FAM168A: variants seen among roughly 807,000 people sequenced by gnomAD.
FAM168A encodes family with sequence similarity 168 member A, also known as protein FAM168A.
Under a neutral mutation model 28.5 loss-of-function variants are expected in FAM168A, and 3 were observed. The observed-to-expected ratio is 0.11, with a 90% CI of 0.05 to 0.27. The LOEUF is 0.27. Ranked by LOEUF, FAM168A falls within the 10% of genes least tolerant of loss-of-function variation. The pLI is 1.00. For missense variants in FAM168A, 222 were observed against 311.5 expected (o/e 0.71, Z 2.16); for synonymous variants, 122 against 124.2 (o/e 0.98, Z 0.12).
intron 2 of FAM168A, among the ~76,000 whole-genome samples, chr11:73,456,697 A>T (rs148912033): frequency 1.2e-3 from 187 of 152,364 alleles, no homozygotes; most frequent in Non-Finnish European, 2.2e-3. Context: ...CCTCCACATA[A>T]ACAACTACTG....
intron 4 of FAM168A, among the ~76,000 whole-genome samples, chr11:73,414,353 T>C (rs1866664751): frequency 6.6e-6 from 1 of 152,240 alleles, no homozygotes. Context: ...TTTGGCCCTT[T>C]ACAGGAATGT....
chr11:73,508,205 G>A (rs970704181), intron 1 of FAM168A, among the ~76,000 whole-genome samples: 13 of 152,062 alleles, frequency 8.5e-5, no homozygotes, highest in African/African-American at 3.1e-4. Flanking sequence ...CCTCTAGATT[G>A]TTTATTAAAA....
intron 2 of FAM168A, among the ~76,000 whole-genome samples, chr11:73,450,583 G>A (rs528464215): frequency 5.3e-4 from 79 of 150,374 alleles, no homozygotes; most frequent in African/African-American, 8.0e-4. Flanking sequence ...TTCTCCATCC[G>A]TAAGAAAAGG....
chr11:73,409,546 G>A lies in FAM168A; in HGVS notation c.536C>T (p.Pro179Leu), dbSNP rs773017401. ...SAIYPAPVAA[P>L]RTNGVAMGMV... ...GCCCATGGCCACACCGTTGGTCCTC[G>A]GGGCGGCAACAGGTGCTGGGTAGAT... Residue 179 changes from proline (P) to leucine (L), a missense_variant, in exon 6 of 8, where the codon CCG (proline) becomes CTG (leucine). By Grantham distance (98) the Pro-to-Leu change is moderately conservative (BLOSUM62 -3). Transcript: ENST00000356467. 6 of 1,614,018 alleles carry A rather than the reference G, an allele frequency of 3.7e-6. No homozygotes were observed. Among genetic ancestry groups the A allele is most frequent in the Admixed American group, 1.7e-5 (1 of 60,006 alleles).
chr11:73,417,646 G>A (rs544347647), intron 4 of FAM168A, among the ~76,000 whole-genome samples: 7 of 148,246 alleles, frequency 4.7e-5, no homozygotes, highest in African/African-American at 1.3e-4. Flanking sequence ...TGCCAGCTCC[G>A]TCTTCTGGGT....
At chr11:73,578,837 G>A (rs921478214) in intron 1 of FAM168A, among the ~76,000 whole-genome samples, 1 of 152,162 alleles carries the variant, frequency 6.6e-6, no homozygotes, top group African/African-American at 2.4e-5. Context: ...ATCTAATCAG[G>A]TTTCTAAATC....
At chr11:73,534,058 A>G (rs1313946042) in intron 1 of FAM168A, among the ~76,000 whole-genome samples, 1 of 152,228 alleles carries the variant, frequency 6.6e-6, no homozygotes, top group African/African-American at 2.4e-5. Flanking sequence ...ATGGTAATAC[A>G]TGATTTCTTC....
intron 1 of FAM168A, among the ~76,000 whole-genome samples, chr11:73,494,221 C>G (rs959502261): frequency 6.6e-6 from 1 of 152,086 alleles, no homozygotes. Flanking sequence ...TTAATTTAAG[C>G]CCTTCATTTT....
chr11:73,443,043 C>T (rs1419687549), intron 2 of FAM168A, among the ~76,000 whole-genome samples: 1 of 135,294 alleles, frequency 7.4e-6, no homozygotes, highest in Non-Finnish European at 1.5e-5. Context: ...ATTAGGAGCA[C>T]ATAACTAAAG....
intron 1 of FAM168A, among the ~76,000 whole-genome samples, chr11:73,529,632 T>C (rs1232794188): frequency 6.6e-6 from 1 of 152,070 alleles, no homozygotes. Flanking sequence ...AAAAATGACA[T>C]TCAATAAAGC....
rs866169525 is a variant in FAM168A, at chr11:73,496,897, A to G, written c.-18-28405T>C. ...ATCACACACACACACACACACACAC[A>G]CACACACACGCACACACACGCACAC... On this transcript the variant is annotated intron_variant, in intron 1 of 7. Transcript: ENST00000356467. 9.5e-3 allele frequency among the ~76,000 whole-genome samples: 1,427 copies of G among 150,364 alleles called. 28 individuals are homozygous for G. Among genetic ancestry groups the G allele is most frequent in the African/African-American group, 0.032 (1,321 of 40,686 alleles).
chr11:73,519,753 G>C (rs1162913182), intron 1 of FAM168A, among the ~76,000 whole-genome samples: 2 of 151,944 alleles, frequency 1.3e-5, no homozygotes, highest in Non-Finnish European at 2.9e-5. Flanking sequence ...ACAAGGGAGA[G>C]AGCAGCACAA....
chr11:73,420,776 G>A (rs886518968), intron 3 of FAM168A: 1 of 152,358 alleles, frequency 6.6e-6, no homozygotes, highest in Non-Finnish European at 1.5e-5. Flanking sequence ...ATATAGATGA[G>A]GCCCAGTTTA....
At chr11:73,597,176 C>T (rs541937482) in intron 1 of FAM168A, among the ~76,000 whole-genome samples, 2 of 152,196 alleles carry the variant, frequency 1.3e-5, no homozygotes, top group South Asian at 2.1e-4. Flanking sequence ...CATCACACTC[C>T]CCTCACTGAA....
At chr11:73,433,076 C>CTTTTTTTTTTTTTTTT (rs34994742) in intron 2 of FAM168A, among the ~76,000 whole-genome samples, 10 of 80,602 alleles carry the variant, frequency 1.2e-4, no homozygotes, top group African/African-American at 6.8e-4. Flanking sequence ...CACGCCCCGC[C>CTTTTTTTTTTTTTTTT]TTTTTTTTTT....
At chr11:73,550,118 C>T (rs1943807975) in intron 1 of FAM168A, among the ~76,000 whole-genome samples, 1 of 152,146 alleles carries the variant, frequency 6.6e-6, no homozygotes, top group African/African-American at 2.4e-5. Flanking sequence ...TATTAAAAAA[C>T]ATAGTCACTT....
intron 2 of FAM168A, among the ~76,000 whole-genome samples, chr11:73,442,794 G>A (rs965863598): frequency 1.9e-4 from 28 of 147,878 alleles, no homozygotes; most frequent in Admixed American, 8.0e-4. Flanking sequence ...TATACGTGGT[G>A]TACAGTGTTG....
chr11:73,486,478 T>C (rs1849080919), intron 1 of FAM168A, among the ~76,000 whole-genome samples: 1 of 152,238 alleles, frequency 6.6e-6, no homozygotes, highest in African/African-American at 2.4e-5. Context: ...CTGACTGGCT[T>C]ATTTCATTTA....
chr11:73,450,207 T>C (rs897604964), intron 2 of FAM168A, among the ~76,000 whole-genome samples: 5 of 152,218 alleles, frequency 3.3e-5, no homozygotes, highest in Non-Finnish European at 7.3e-5. Context: ...TGTGTGACAT[T>C]TGACACATAA....
Sources: allele counts gnomAD v4.1 joint callset (sites outside exome capture counted in the v4.1 genomes callset), GRCh38; gene constraint gnomAD v4.1.1; transcripts MANE v1.5; gene names NCBI Gene and HGNC (gene_info 2026-07-23, HGNC 2026-07-21).